NCAM2: variants seen among roughly 807,000 people sequenced by gnomAD.
NCAM2 encodes N-CAM-2.
In NCAM2, 30 loss-of-function variants were observed where a neutral mutation model predicts 98.1. The ratio of observed to expected loss-of-function variants is 0.31; its 90% CI spans 0.23 to 0.41. The LOEUF (loss-of-function observed/expected upper bound fraction) is 0.41, where lower values mean the gene tolerates loss of function less well. Ranked by LOEUF, NCAM2 falls within the 10% of genes least tolerant of loss-of-function variation. NCAM2 has a pLI of 1.00. For synonymous variants in NCAM2, 368 were observed against 342.4 expected, an observed-to-expected ratio of 1.07 and a Z score of -0.83; for missense variants, 867 against 1,005.8, an observed-to-expected ratio of 0.86 and a Z score of 1.87.
intron 15 of NCAM2, among the ~76,000 whole-genome samples, chr21:21,504,341 A>T (rs6518106): frequency 0.26 from 39,281 of 151,800 alleles, 5,307 homozygotes; most frequent in African/African-American, 0.33. Context: ...CATAAAATTT[A>T]CACCATAAGT....
At chr21:21,368,796 C>A (rs1038946894) in intron 8 of NCAM2, among the ~76,000 whole-genome samples, 6 of 151,796 alleles carry the variant, frequency 4.0e-5, no homozygotes, top group Non-Finnish European at 5.9e-5. Flanking sequence ...GGGACCCAAA[C>A]ATTCAGACCA....
chr21:21,040,256 C>G (rs115037848), intron 1 of NCAM2, among the ~76,000 whole-genome samples: 102 of 152,214 alleles, frequency 6.7e-4, no homozygotes, highest in African/African-American at 2.4e-3. Context: ...ACTCATGAAG[C>G]TTTGGCCGAG....
chr21:21,202,102 G>T (rs1409727970), intron 1 of NCAM2, among the ~76,000 whole-genome samples: 1 of 152,116 alleles, frequency 6.6e-6, no homozygotes, highest in Non-Finnish European at 1.5e-5. Context: ...TAGCATAGTG[G>T]TTTTAGAGAG....
At chr21:21,291,739 G>A (rs373055396) in intron 4 of NCAM2, among the ~76,000 whole-genome samples, 28 of 151,506 alleles carry the variant, frequency 1.8e-4, no homozygotes, top group Non-Finnish European at 3.4e-4. Context: ...CCATGTTGCC[G>A]CATATTTGCA....
chr21:21,247,297 C>T (rs1421656614), intron 1 of NCAM2, among the ~76,000 whole-genome samples: 2 of 152,006 alleles, frequency 1.3e-5, no homozygotes, highest in South Asian at 2.1e-4. Context: ...CCAGCTTGGG[C>T]GACAGAGCAA....
chr21:21,514,232 T>C (rs1039987206), intron 16 of NCAM2, among the ~76,000 whole-genome samples: 2 of 151,654 alleles, frequency 1.3e-5, no homozygotes, highest in African/African-American at 4.8e-5. Flanking sequence ...ATGTTGTCTC[T>C]GGGGAGGCTG....
chr21:21,261,102 A>C (rs1175651132), intron 1 of NCAM2, among the ~76,000 whole-genome samples: 3 of 152,168 alleles, frequency 2.0e-5, no homozygotes, highest in African/African-American at 7.2e-5. Flanking sequence ...AGTAGAAAAA[A>C]AAAGAATGGA....
At chr21:21,251,763 A>G (rs993374350) in intron 1 of NCAM2, among the ~76,000 whole-genome samples, 1 of 107,058 alleles carries the variant, frequency 9.3e-6, no homozygotes, top group African/African-American at 3.4e-5. Context: ...TTTTTCTTGT[A>G]AATTTCTTTA....
intron 15 of NCAM2, among the ~76,000 whole-genome samples, chr21:21,479,063 A>G (rs572471405): frequency 6.6e-6 from 1 of 152,300 alleles, no homozygotes; most frequent in Non-Finnish European, 1.5e-5. Context: ...AGCCTCCTCC[A>G]AAGGAAAATT....
chr21:21,123,848 C>CTTTTTCT (rs2066728172), intron 1 of NCAM2, among the ~76,000 whole-genome samples: 1 of 86,656 alleles, frequency 1.2e-5, no homozygotes, highest in Non-Finnish European at 2.0e-5. Flanking sequence ...TTCTTGATTG[C>CTTTTTCT]TTTTTTTTTT....
chr21:21,320,116 C>T (rs184339008), intron 5 of NCAM2, among the ~76,000 whole-genome samples: 21 of 152,230 alleles, frequency 1.4e-4, no homozygotes, highest in East Asian at 7.7e-4. Flanking sequence ...AGTTAGGTCA[C>T]GGCTTTACTA....
chr21:21,328,914 T>C (rs2074595309), intron 6 of NCAM2, among the ~76,000 whole-genome samples: 1 of 151,966 alleles, frequency 6.6e-6, no homozygotes, highest in South Asian at 2.1e-4. Context: ...GGAAGCTCCA[T>C]TTACAACATA....
At chr21:21,457,353 G>A (rs1982301600) in intron 12 of NCAM2, among the ~76,000 whole-genome samples, 2 of 152,120 alleles carry the variant, frequency 1.3e-5, no homozygotes, top group South Asian at 4.1e-4. Context: ...TTAAAAAGTG[G>A]CAAAGAGGTC....
chr21:21,008,247 G>T (rs559659522), intron 1 of NCAM2, among the ~76,000 whole-genome samples: 14 of 151,886 alleles, frequency 9.2e-5, no homozygotes, highest in Non-Finnish European at 2.1e-4. Context: ...AATCTTGTTC[G>T]CTCTTTATCA....
At chr21:21,087,377 T>C (rs1234709989) in intron 1 of NCAM2, among the ~76,000 whole-genome samples, 1 of 152,188 alleles carries the variant, frequency 6.6e-6, no homozygotes, top group Non-Finnish European at 1.5e-5. Flanking sequence ...ATTTTTCTCC[T>C]AGCTCCCTGT....
At chr21:21,176,394 T>C (rs1378905260) in intron 1 of NCAM2, among the ~76,000 whole-genome samples, 1 of 152,166 alleles carries the variant, frequency 6.6e-6, no homozygotes, top group Admixed American at 6.5e-5. Flanking sequence ...AATATCCTCC[T>C]AATGGTGATG....
intron 8 of NCAM2, among the ~76,000 whole-genome samples, chr21:21,340,794 G>T (rs1481055924): frequency 6.6e-6 from 1 of 151,884 alleles, no homozygotes; most frequent in African/African-American, 2.4e-5. Flanking sequence ...TTGAATCTCA[G>T]CTCTGCCATT....
intron 9 of NCAM2, among the ~76,000 whole-genome samples, chr21:21,374,695 C>T (rs1346391217): frequency 6.6e-6 from 1 of 151,698 alleles, no homozygotes. Flanking sequence ...ACATCATTCT[C>T]AATAAATATT....
chr21:21,017,944 G>T (rs937817293), intron 1 of NCAM2, among the ~76,000 whole-genome samples: 2 of 152,018 alleles, frequency 1.3e-5, no homozygotes, highest in African/African-American at 4.8e-5. Context: ...ACCATTCTAT[G>T]CTGTATCAAA....
Sources: allele counts gnomAD v4.1 joint callset (sites outside exome capture counted in the v4.1 genomes callset), GRCh38; gene constraint gnomAD v4.1.1; transcripts MANE v1.5; gene names NCBI Gene and HGNC (gene_info 2026-07-23, HGNC 2026-07-21).